The following DIP2A variants were observed in gnomAD, a reference collection of about 807,000 sequenced individuals.
DIP2A encodes the protein disco-interacting protein 2 homolog A.
Under a neutral mutation model 177.4 loss-of-function variants are expected in DIP2A, and 85 were observed. That is an observed-to-expected ratio of 0.48 (90% confidence interval 0.40 to 0.57). The LOEUF (loss-of-function observed/expected upper bound fraction) is 0.57, where lower values mean the gene tolerates loss of function less well. Ranked by LOEUF, DIP2A falls within the 20% of genes least tolerant of loss-of-function variation. The pLI is 0.00. For synonymous variants in DIP2A, 886 were observed against 881.8 expected (o/e 1.00, Z -0.08); for missense variants, 1,791 against 2,100.2 (o/e 0.85, Z 2.88).
At chr21:46,511,083 G>A (rs1291729039) in intron 7 of DIP2A, among the ~76,000 whole-genome samples, 3 of 152,234 alleles carry the variant, frequency 2.0e-5, no homozygotes, top group East Asian at 1.9e-4. Context: ...GCTGTTCACC[G>A]CTGTGGTGCC....
chr21:46,468,426 AAAGAG>A (rs2055050210), intron 1 of DIP2A, among the ~76,000 whole-genome samples: 3 of 127,992 alleles, frequency 2.3e-5, no homozygotes, highest in African/African-American at 8.6e-5. Flanking sequence ...AAAAAAAAAA[AAAGAG>A]AGAAAATCGG....
intron 1 of DIP2A, among the ~76,000 whole-genome samples, chr21:46,474,753 A>G (rs2055697138): frequency 6.6e-6 from 1 of 152,114 alleles, no homozygotes; most frequent in Admixed American, 6.5e-5. Flanking sequence ...AAGTAGCTGG[A>G]ACTATAGCTG....
chr21:46,512,177 C>T (rs982537984), intron 8 of DIP2A, among the ~76,000 whole-genome samples: 3 of 152,036 alleles, frequency 2.0e-5, no homozygotes, highest in Non-Finnish European at 4.4e-5. Context: ...ATTATTTTAT[C>T]GTGTGAATAT....
At chr21:46,582,567 T>C in the DIP2A span, among the ~76,000 whole-genome samples, 1 of 152,158 alleles carries the variant, frequency 6.6e-6, no homozygotes, top group Admixed American at 6.5e-5. Context: ...GGAGCTCCTC[T>C]TGCCCCATGG....
chr21:46,577,368 C>T, the DIP2A span, among the ~76,000 whole-genome samples: 1 of 152,152 alleles, frequency 6.6e-6, no homozygotes, highest in African/African-American at 2.4e-5. Flanking sequence ...GTTCTCCCAG[C>T]ACCATTTATT....
At chr21:46,532,314 T>C in intron 10 of DIP2A, 77 bp downstream of exon 10, 2 of 1,200,906 alleles carry the variant, frequency 1.7e-6, no homozygotes. Context: ...TCCTTTTCAC[T>C]CATGTGGGCA....
rs1447472396 is a variant in DIP2A, at chr21:46,547,022, G to T, written c.2502G>T (p.Met834Ile). Reference sequence around the variant, plus strand: ...CCACCGCACTGGCCGTGGAGCCCATGAAGTTTGTCTACAGAGGCAGGTGAT... The same window carrying T: ...CCACCGCACTGGCCGTGGAGCCCATTAAGTTTGTCTACAGAGGCAGGTGAT... ...VVATALAVEPMKFVYRGRIAV... is the reference protein window; with the variant it reads ...VVATALAVEPIKFVYRGRIAV... Residue 834 changes from methionine to isoleucine, a missense_variant, in exon 21 of 38, where the codon ATG becomes ATT. Met to Ile is a conservative substitution (Grantham distance 10). Coordinates refer to ENST00000417564, the MANE Select transcript of DIP2A (RefSeq NM_015151.4). The T allele has an allele frequency of 6.2e-6, 10 of 1,613,994 alleles. No individual in the cohort carries two copies. The highest frequency in any genetic ancestry group is 8.5e-6 in the Non-Finnish European group (10 of 1,179,860).
chr21:46,550,133 C>G, intron 22 of DIP2A: 1 of 1,045,324 alleles, frequency 9.6e-7, no homozygotes, highest in East Asian at 2.8e-5. Flanking sequence ...TTATTTTTTT[C>G]TGATGAGAAC....
At chr21:46,477,543 T>TGTGTGTG (rs2055964791) in intron 1 of DIP2A, among the ~76,000 whole-genome samples, 1 of 87,094 alleles carries the variant, frequency 1.1e-5, no homozygotes, top group African/African-American at 4.3e-5. Context: ...AAAAAAAGAT[T>TGTGTGTG]TGTGTGTGTG....
In DIP2A at chr21:46,556,212, T is replaced by C; in HGVS notation, c.3498+121T>C. ...CTTATGCAAAGCACAAAGCAACAAT[T>C]TTGCTTCTTAAGATTTGTGTTAAAT... On this transcript the variant is annotated intron_variant, in intron 29 of 37. Coordinates refer to ENST00000417564, the MANE Select transcript of DIP2A (RefSeq NM_015151.4). This position sits in a 1 kb window ranked among gnomAD's most constrained non-coding sequence, Gnocchi z 4.5. 1 of 1,404,666 alleles carries C rather than the reference T, an allele frequency of 7.1e-7. No homozygotes were observed. Among genetic ancestry groups the C allele is most frequent in the Non-Finnish European group, 1.0e-6 (1 of 1,004,650 alleles). 87.0% of individuals were successfully genotyped at this position (1,404,666 alleles called of 1,614,324 possible). A position where few individuals can be genotyped will look rare whatever the true frequency, so the allele number is the denominator to read the frequency against.
rs1372983582 is a variant in DIP2A, at chr21:46,537,674, T to C, written c.1801+135T>C. The C allele has an allele frequency of 3.5e-6, 3 of 850,730 alleles. No individual in the cohort carries two copies. The East Asian group carries it at 7.8e-5, about 22-fold the overall frequency. The allele number at this position is 850,730 out of a possible 1,614,324, so 52.7% of individuals were successfully genotyped here. The stretch of plus-strand genomic sequence containing the variant: ...GCTGAAGAGCTGTGGGACGTCTTTC[T>C]TGGTCACACCCCTGCCCAGGAATAT... On this transcript the variant is annotated intron_variant, in intron 15 of 37. Coordinates refer to ENST00000417564, the MANE Select transcript of DIP2A (RefSeq NM_015151.4). The surrounding 1 kb of genome is among the most constrained non-coding windows in gnomAD (Gnocchi z 4.1).
In DIP2A at chr21:46,567,695, G is replaced by C; in HGVS notation, c.*73G>C. Reference sequence around the variant, plus strand: ...CCAAGGTGTGATGTGGGAAGACACCGCAGAGCTCACTCACCGGGACTCGCC... The same window carrying C: ...CCAAGGTGTGATGTGGGAAGACACCCCAGAGCTCACTCACCGGGACTCGCC... On this transcript the variant is annotated 3_prime_UTR_variant, in exon 38 of 38. Coordinates refer to ENST00000417564, the MANE Select transcript of DIP2A (RefSeq NM_015151.4). 1.3e-6 allele frequency: 2 copies of C among 1,508,370 alleles called. No individual in the cohort carries two copies. Among genetic ancestry groups the C allele is most frequent in the Non-Finnish European group, 8.9e-7 (1 of 1,127,208 alleles). 93.4% of individuals were successfully genotyped at this position (1,508,370 alleles called of 1,614,324 possible).
At chr21:46,509,220 T>A in intron 6 of DIP2A, 37 bp from the exon 7 acceptor site, 1 of 1,594,938 alleles carries the variant, frequency 6.3e-7, no homozygotes, top group African/African-American at 1.3e-5. Context: ...TTCAGATGTG[T>A]CCTGGCCTCA....
At chr21:46,485,719 TAAAG>T (rs2056636911) in intron 2 of DIP2A, among the ~76,000 whole-genome samples, 1 of 152,006 alleles carries the variant, frequency 6.6e-6, no homozygotes, top group African/African-American at 2.4e-5. Context: ...AACGTCATCA[TAAAG>T]AGATTGCAAA....
chr21:46,517,054 C>CTT lies in DIP2A; in HGVS notation c.1102+5466_1102+5467dup, dbSNP rs71318086. Among the ~76,000 whole-genome samples the CTT allele has an allele frequency of 9.2e-3, 560 of 60,884 alleles. 37 individuals are homozygous for CTT. The highest frequency in any genetic ancestry group is 0.013 in the Middle Eastern group (1 of 78). 39.9% of individuals were successfully genotyped at this position (60,884 alleles called of 152,430 possible). On this transcript the variant is annotated intron_variant, in intron 8 of 37. Coordinates refer to ENST00000417564, the MANE Select transcript of DIP2A (RefSeq NM_015151.4). Reference sequence around the variant, plus strand: ...TTGCTCTTGTCTGTGTTTTCTCTCTCTTTTTTTTTTTTTTTTTTTTTTTTT... The same window carrying CTT: ...TTGCTCTTGTCTGTGTTTTCTCTCTCTTTTTTTTTTTTTTTTTTTTTTTTTTT...
intron 3 of DIP2A, among the ~76,000 whole-genome samples, chr21:46,491,257 T>C (rs1483357646): frequency 6.9e-6 from 1 of 144,988 alleles, no homozygotes; most frequent in Admixed American, 6.9e-5. Flanking sequence ...GTTTATATAT[T>C]AATAACTTGA....
At chr21:46,502,668 G>A (rs148744348) in intron 5 of DIP2A, among the ~76,000 whole-genome samples, 39 of 151,996 alleles carry the variant, frequency 2.6e-4, no homozygotes, top group African/African-American at 9.2e-4. Context: ...GGCCATTCTC[G>A]AACTCCTGAC....
rs1162872343 is a variant in DIP2A, at chr21:46,528,527, C to CTTTTTTTTTTTTTTTTTTTTTTTTTTTTT, written c.1103-552_1103-524dup. On this transcript the variant is annotated intron_variant, in intron 8 of 37. Coordinates refer to ENST00000417564, the MANE Select transcript of DIP2A (RefSeq NM_015151.4). ...ACCAAATACTGACTTTTTCTGCTTG[C>CTTTTTTTTTTTTTTTTTTTTTTTTTTTTT]TTTTTTTTTTTTTTTTTTTTTTTTT... 1.0e-4 allele frequency among the ~76,000 whole-genome samples: 3 copies of CTTTTTTTTTTTTTTTTTTTTTTTTTTTTT among 29,380 alleles called. 1 individual carries two copies. The highest frequency in any genetic ancestry group is 1.7e-4 in the Non-Finnish European group (3 of 17,980). 19.3% of individuals were successfully genotyped at this position (29,380 alleles called of 152,430 possible).
intron 8 of DIP2A, among the ~76,000 whole-genome samples, chr21:46,516,682 A>G (rs1313915482): frequency 1.3e-5 from 2 of 151,036 alleles, no homozygotes; most frequent in African/African-American, 2.4e-5. Context: ...TTTAGTAGAG[A>G]CAGGGTTTCA....
Sources: gnomAD v4.1 joint callset for allele counts (sites outside exome capture counted in the v4.1 genomes callset) on GRCh38, gnomAD v4.1.1 for gene constraint, Gnocchi (gnomAD v3.1) non-coding constraint, MANE v1.5 for transcripts, NCBI Gene and HGNC (gene_info 2026-07-23, HGNC 2026-07-21) for gene names.